PAN2: variants seen among roughly 807,000 people sequenced by gnomAD.
PAN2 encodes PAN2-PAN3 deadenylation complex catalytic subunit PAN2.
A neutral mutation model predicts 133.3 loss-of-function variants in PAN2; 68 were observed. The observed-to-expected ratio is 0.51, with a 90% CI of 0.42 to 0.62. The LOEUF (loss-of-function observed/expected upper bound fraction) is 0.62, where lower values mean the gene tolerates loss of function less well. Among genes scored for constraint, PAN2 ranks in the 20% least tolerant of loss-of-function variants. The pLI is 0.00. For missense variants in PAN2, 1,042 were observed against 1,500.5 expected (o/e 0.69, Z 5.05); for synonymous variants, 462 against 544.6 (o/e 0.85, Z 2.11).
chr12:56,318,666 C>T (rs149930400), intron 24 of PAN2: 1 of 502,816 alleles, frequency 2.0e-6, no homozygotes, highest in African/African-American at 1.9e-5. Flanking sequence ...AACACTTTTC[C>T]TACTTTTTCT....
Position 56,319,528 on chromosome 12 carries a change from G to A in PAN2, c.3091-41C>T, listed in dbSNP as rs1432978331. ...AGGACAAGCCTTTTTCAGGAAGTGA[G>A]ATGGAGTCTTCCCCTATCACTCTTC... is the stretch of plus-strand genomic sequence containing the variant. On this transcript the variant is annotated intron_variant, in intron 22 of 25. Coordinates refer to ENST00000440411, the MANE Select transcript of PAN2 (RefSeq NM_014871.6). This position sits in a 1 kb window ranked among gnomAD's most constrained non-coding sequence, Gnocchi z 5.4. The A allele has an allele frequency of 1.9e-6, 3 of 1,597,488 alleles. No homozygotes were observed. The highest frequency in any genetic ancestry group is 2.6e-6 in the Non-Finnish European group (3 of 1,170,662).
At chr12:56,327,952 G>A in intron 5 of PAN2, 43 bp downstream of exon 5, 1 of 1,612,770 alleles carries the variant, frequency 6.2e-7, no homozygotes, top group Non-Finnish European at 8.5e-7. Context: ...GGTATCTAGT[G>A]AAACAGGGCC....
At chr12:56,327,909 A>C in intron 5 of PAN2, 86 bp downstream of exon 5, 2 of 1,582,362 alleles carry the variant, frequency 1.3e-6, no homozygotes, top group South Asian at 2.3e-5. Flanking sequence ...ATCCAACTAC[A>C]CCCCAGAGTT....
intron 2 of PAN2, 135 bp downstream of exon 2, chr12:56,332,678 T>G: frequency 2.6e-6 from 2 of 766,722 alleles, no homozygotes; most frequent in South Asian, 3.4e-5. Flanking sequence ...TCTCCCTTTA[T>G]CCCTCCAACC....
intron 6 of PAN2, 86 bp downstream of exon 6, chr12:56,327,278 A>C: frequency 1.4e-6 from 2 of 1,426,290 alleles, no homozygotes; most frequent in Non-Finnish European, 1.9e-6. Context: ...TCCCCAACAA[A>C]GAGGTTTCAG....
At chr12:56,321,227 A>G (rs969393367) in intron 20 of PAN2, among the ~76,000 whole-genome samples, 1 of 149,632 alleles carries the variant, frequency 6.7e-6, no homozygotes, top group Non-Finnish European at 1.5e-5. Flanking sequence ...CACTCAGCTA[A>G]ATTTTTTTTT....
At chr12:56,322,352 A>G in intron 19 of PAN2, 71 bp downstream of exon 19, 2 of 1,305,662 alleles carry the variant, frequency 1.5e-6, no homozygotes, top group Non-Finnish European at 1.1e-6. Flanking sequence ...CTGGCATTCT[A>G]TAGAGCCCTA....
intron 2 of PAN2, 86 bp from the exon 3 acceptor site, chr12:56,328,727 G>T: frequency 6.4e-6 from 7 of 1,090,496 alleles, no homozygotes; most frequent in South Asian, 5.8e-5. Context: ...ACATGGCTCA[G>T]CTTGGATCCT....
At position 56,327,642 on chromosome 12, in the gene PAN2, A is replaced by C; in HGVS notation, c.652-11T>G. The C allele has an allele frequency of 6.2e-7, 1 of 1,611,208 alleles. No homozygotes were observed. The highest frequency in any genetic ancestry group is 2.2e-5 in the East Asian group (1 of 44,858). Reference sequence around the variant, plus strand: ...GTCTCTCAGGGAAACCTAGAAAAAAAAAATTCAGTTATCTGCAAATTCTGT... The same window carrying C: ...GTCTCTCAGGGAAACCTAGAAAAAACAAATTCAGTTATCTGCAAATTCTGT... On this transcript the variant is annotated splice_polypyrimidine_tract_variant and intron_variant, in intron 5 of 25. Transcript: ENST00000440411.
At chr12:56,322,943 T>C (rs1874724548) in intron 17 of PAN2, 119 bp downstream of exon 17, 3 of 1,353,696 alleles carry the variant, frequency 2.2e-6, no homozygotes, top group Admixed American at 3.6e-5. Flanking sequence ...AACAGGTAAA[T>C]ACTAGGCCTT....
At chr12:56,322,217 T>C in intron 19 of PAN2, 49 bp from the exon 20 acceptor site, 1 of 1,271,446 alleles carries the variant, frequency 7.9e-7, no homozygotes, top group Non-Finnish European at 1.1e-6. Context: ...ACCCTTTTCC[T>C]TTTCCCCCAC....
intron 25 of PAN2, among the ~76,000 whole-genome samples, 177 bp from the exon 26 acceptor site, chr12:56,317,820 T>G (rs1331180771): frequency 6.6e-6 from 1 of 152,254 alleles, no homozygotes; most frequent in African/African-American, 2.4e-5. Context: ...TGTATTTTAC[T>G]GAATGTTAGG....
chr12:56,320,672 C>A (rs1191569311), intron 20 of PAN2, among the ~76,000 whole-genome samples: 3 of 149,470 alleles, frequency 2.0e-5, no homozygotes, highest in African/African-American at 7.4e-5. Context: ...GATGTAACAT[C>A]ATAACCTAAG....
In PAN2 at chr12:56,319,866, C is replaced by T. The variant is rs1282480792; in HGVS notation, c.2944G>A (p.Glu982Lys). 3.7e-6 allele frequency: 6 copies of T among 1,614,194 alleles called. No individual in the cohort carries two copies. The highest frequency in any genetic ancestry group is 5.1e-6 in the Non-Finnish European group (6 of 1,180,014). Reference protein sequence around the residue: ...GLDAEFVTLNEEEAELRSDGT... With the variant: ...GLDAEFVTLNKEEAELRSDGT... ...CCCATCCCTTTGGTCTTGGTTACCT[C>T]ATTAAGGGTGACAAACTCAGCATCC... The change falls in exon 21 of 26, where the codon GAG (glutamate) becomes AAG (lysine). Residue 982 changes from glutamate to lysine, a missense_variant and splice_region_variant. By Grantham distance (56) the Glu-to-Lys change is moderately conservative. This residue lies in a region of PAN2 where 49 missense variants were observed against 160.5 expected (regional missense o/e 0.31). Coordinates refer to ENST00000440411, the MANE Select transcript of PAN2 (RefSeq NM_014871.6). The surrounding 1 kb of genome is among the most constrained non-coding windows in gnomAD (Gnocchi z 5.4).
In PAN2 at chr12:56,323,224, G is replaced by A. The variant is rs377614118; in HGVS notation, c.2346-15C>T. 3.0e-5 allele frequency: 48 copies of A among 1,613,704 alleles called. No individual in the cohort carries two copies. Among genetic ancestry groups the A allele is most frequent in the Non-Finnish European group, 3.6e-5 (43 of 1,179,948 alleles). On this transcript the variant is annotated splice_polypyrimidine_tract_variant and intron_variant, in intron 16 of 25. Transcript: ENST00000440411. ...CTAGTTCCTTCCTATCAGGTCAGAA[G>A]AATTGGAAATTTGTTCCGAAAGAGG...
At chr12:56,331,736 C>T (rs1408832164) in intron 2 of PAN2, among the ~76,000 whole-genome samples, 11 of 145,118 alleles carry the variant, frequency 7.6e-5, no homozygotes, top group Non-Finnish European at 1.0e-4. Context: ...TTTTTTGAGA[C>T]GGAGTCTCGC....
chr12:56,327,793 T>G, intron 5 of PAN2, 162 bp from the exon 6 acceptor site: 1 of 1,249,510 alleles, frequency 8.0e-7, no homozygotes, highest in African/African-American at 1.5e-5. Context: ...CAGAAGGGGC[T>G]TCAGGGAGAC....
chr12:56,329,529 C>T (rs1875502299), intron 2 of PAN2, among the ~76,000 whole-genome samples: 1 of 151,822 alleles, frequency 6.6e-6, no homozygotes, highest in Non-Finnish European at 1.5e-5. Flanking sequence ...GGGGGTTTCA[C>T]CATGTTGGCC....
intron 6 of PAN2, among the ~76,000 whole-genome samples, 186 bp downstream of exon 6, chr12:56,327,178 T>C (rs1342311154): frequency 1.3e-5 from 2 of 152,232 alleles, no homozygotes; most frequent in Non-Finnish European, 2.9e-5. Context: ...TTTACCTTTT[T>C]CCATGTTCCT....
Sources: gnomAD v4.1 joint callset for allele counts (sites outside exome capture counted in the v4.1 genomes callset) on GRCh38, gnomAD v4.1.1 for gene constraint, gnomAD v4.1.1 regional missense constraint, Gnocchi (gnomAD v3.1) non-coding constraint, MANE v1.5 for transcripts, NCBI Gene and HGNC (gene_info 2026-07-23, HGNC 2026-07-21) for gene names.